Variants in PRRT4 observed in about 807,000 individuals in gnomAD.
PRRT4 encodes proline-rich transmembrane protein 4.
PRRT4 carries 59 observed loss-of-function variants against 55.6 expected under a neutral mutation model. That is an observed-to-expected ratio of 1.06 (90% confidence interval 0.86 to 1.32). PRRT4 has a LOEUF of 1.32. PRRT4 is among the 40% of genes most tolerant of loss of function. The probability of loss-of-function intolerance (pLI) is 0.00; values close to 1 mark genes in which losing one functional copy is unlikely to be tolerated. For missense variants in PRRT4, 1,217 were observed against 1,222.0 expected (o/e 1.00, Z 0.06); for synonymous variants, 606 against 601.8 (o/e 1.01, Z -0.10).
chr7:128,351,742 C>A, exon 5 of PRRT4: 1 of 1,462,514 alleles, frequency 6.8e-7, no homozygotes. Flanking sequence ...CTCGCCCAGG[C>A]GCAGGCCTAG....
chr7:128,355,527 C>T (rs1797095262), intron 4 of PRRT4, among the ~76,000 whole-genome samples: 1 of 152,154 alleles, frequency 6.6e-6, no homozygotes, highest in East Asian at 1.9e-4. Context: ...CTACCCACCC[C>T]TTAACACTAA....
chr7:128,359,930 A>G, exon 2 of PRRT4: 1 of 1,454,642 alleles, frequency 6.9e-7, no homozygotes, highest in Non-Finnish European at 9.1e-7. Flanking sequence ...CTGGGGGCCC[A>G]CAGTAGCAGC....
intron 4 of PRRT4, among the ~76,000 whole-genome samples, chr7:128,356,863 A>C (rs1221746202): frequency 6.6e-6 from 1 of 152,158 alleles, no homozygotes; most frequent in Non-Finnish European, 1.5e-5. Context: ...CTCCAGGTTC[A>C]TGGAGGGTGG....
At chr7:128,359,652 C>T (rs1374424567) in exon 2 of PRRT4, 1 of 1,548,854 alleles carries the variant, frequency 6.5e-7, no homozygotes, top group Non-Finnish European at 8.7e-7. Context: ...TCGGTGGAGC[C>T]CCACTCAGTG....
exon 2 of PRRT4, chr7:128,359,650 G>A: frequency 6.5e-7 from 1 of 1,548,538 alleles, no homozygotes; most frequent in Non-Finnish European, 8.7e-7. Context: ...CTTCGGTGGA[G>A]CCCCACTCAG....
At chr7:128,350,815 C>G, downstream of PRRT4, 1 of 1,534,654 alleles carries the variant, frequency 6.5e-7, no homozygotes. Context: ...GGGCAGGCGC[C>G]AGAAAGGGGC....
At chr7:128,355,207 T>C (rs1054246951) in intron 4 of PRRT4, among the ~76,000 whole-genome samples, 3 of 150,942 alleles carry the variant, frequency 2.0e-5, no homozygotes, top group Admixed American at 6.6e-5. Context: ...TGTTTGTTTG[T>C]TTGCTTTTGA....
chr7:128,351,964 C>T (rs1259674537), exon 5 of PRRT4: 1 of 1,301,030 alleles, frequency 7.7e-7, no homozygotes, highest in Admixed American at 3.7e-5. Context: ...GCCCGACCCT[C>T]CCAGGGGCGC....
Position 128,360,073 on chromosome 7 carries a change from G to A in PRRT4, c.-72-10C>T. On this transcript the variant is annotated splice_polypyrimidine_tract_variant and intron_variant, in intron 1 of 4. Transcript: ENST00000535159. ...TTTGAGGAGGAAGGTCCTGGAGAGA[G>A]GAGAGGCCCTGTGAGCCCTGGCTGT... The A allele has an allele frequency of 8.6e-7, 1 of 1,159,006 alleles. No individual in the cohort carries two copies. The highest frequency in any genetic ancestry group is 1.1e-6 in the Non-Finnish European group (1 of 907,440). 71.8% of individuals were successfully genotyped at this position (1,159,006 alleles called of 1,614,324 possible).
At chr7:128,357,680 A>ACCAGTGGTTT (rs1421217805) in intron 4 of PRRT4, among the ~76,000 whole-genome samples, 2 of 152,180 alleles carry the variant, frequency 1.3e-5, no homozygotes, top group Non-Finnish European at 2.9e-5. Flanking sequence ...AGCTGGGGAG[A>ACCAGTGGTTT]CCAGTGGTTT....
At position 128,358,767 on chromosome 7, in the gene PRRT4, T is replaced by C; in HGVS notation, c.791A>G (p.Tyr264Cys). 2 of 1,550,606 alleles carry C rather than the reference T, an allele frequency of 1.3e-6. No homozygotes were observed. Among genetic ancestry groups the C allele is most frequent in the Non-Finnish European group, 1.7e-6 (2 of 1,146,600 alleles). The change falls in exon 4 of 5, where the codon TAC (tyrosine) becomes TGC (cysteine). Residue 264 changes from tyrosine to cysteine, a missense_variant. Coordinates refer to ENST00000535159, the Ensembl canonical transcript of PRRT4. The surrounding 1 kb of genome is among the most constrained non-coding windows in gnomAD (Gnocchi z 4.4). ...GCTGGAGAGCTTCCTCTCCAGGGAG[T>C]ATGGGGGCAGGGACAGAGTGGTACC...
chr7:128,356,489 G>T (rs902501480), intron 4 of PRRT4, among the ~76,000 whole-genome samples: 1 of 152,192 alleles, frequency 6.6e-6, no homozygotes, highest in Non-Finnish European at 1.5e-5. Flanking sequence ...CTCCCCATTG[G>T]AGGCTTCTCC....
exon 3 of PRRT4, chr7:128,359,159 C>T (rs202182424): frequency 9.7e-5 from 151 of 1,551,560 alleles, no homozygotes; most frequent in Non-Finnish European, 6.5e-5. Context: ...CCAGAGAACC[C>T]GAAACTCCAG....
At chr7:128,356,217 A>C (rs1797109297) in intron 4 of PRRT4, among the ~76,000 whole-genome samples, 2 of 152,194 alleles carry the variant, frequency 1.3e-5, no homozygotes, top group Admixed American at 1.3e-4. Context: ...ACACCACTGC[A>C]CTCCAGCCTG....
exon 2 of PRRT4, chr7:128,359,788 C>T: frequency 4.6e-6 from 7 of 1,537,626 alleles, no homozygotes; most frequent in Non-Finnish European, 6.1e-6. Flanking sequence ...TGACTGGGCT[C>T]CCCCAGACAG....
rs71160634 is a variant in PRRT4, at chr7:128,361,103, TCACACA to T, written c.-73+452_-73+457del. On this transcript the variant is annotated intron_variant, in intron 1 of 4. Coordinates refer to ENST00000535159, the Ensembl canonical transcript of PRRT4. ...CTCTCTCTCTCTCTCTCTCTCTCTC[TCACACA>T]CACACACACACACACACACACACAC... 2.4e-3 allele frequency among the ~76,000 whole-genome samples: 186 copies of T among 77,562 alleles called. 2 individuals carry two copies. The highest frequency in any genetic ancestry group is 6.9e-3 in the Middle Eastern group (1 of 144). The allele number at this position is 77,562 out of a possible 152,430, so 50.9% of individuals were successfully genotyped here.
exon 5 of PRRT4, chr7:128,351,472 C>G (rs959190965): frequency 3.3e-6 from 5 of 1,520,294 alleles, no homozygotes; most frequent in African/African-American, 1.4e-5. Context: ...TTCGAAGCCC[C>G]GGCAACCTCC....
intron 1 of PRRT4, among the ~76,000 whole-genome samples, chr7:128,360,507 G>A (rs1023559718): frequency 6.6e-6 from 1 of 152,030 alleles, no homozygotes; most frequent in African/African-American, 2.4e-5. Flanking sequence ...CCCACCTCCC[G>A]CCCCAGCCAG....
At chr7:128,354,989 T>C (rs778252210) in intron 4 of PRRT4, among the ~76,000 whole-genome samples, 1 of 152,208 alleles carries the variant, frequency 6.6e-6, no homozygotes, top group Non-Finnish European at 1.5e-5. Context: ...TCATCACTGA[T>C]CCATCATCTG....
Sources: gnomAD v4.1 joint callset for allele counts (sites outside exome capture counted in the v4.1 genomes callset) on GRCh38, gnomAD v4.1.1 for gene constraint, Gnocchi (gnomAD v3.1) non-coding constraint, MANE v1.5 for transcripts, NCBI Gene and HGNC (gene_info 2026-07-23, HGNC 2026-07-21) for gene names.